Variants in TP63 observed in about 807,000 individuals in gnomAD.
TP63 encodes tumor protein 63.
A neutral mutation model predicts 82.8 loss-of-function variants in TP63; 17 were observed. That is an observed-to-expected ratio of 0.21 (90% CI 0.14 to 0.31). TP63 has a LOEUF of 0.31. TP63 is among the 10% of genes least tolerant of loss of function. The probability of loss-of-function intolerance (pLI) is 1.00; values close to 1 mark genes in which losing one functional copy is unlikely to be tolerated. For missense variants in TP63, 648 were observed against 895.3 expected, an observed-to-expected ratio of 0.72 and a Z score of 3.52; for synonymous variants, 330 against 321.7, an observed-to-expected ratio of 1.03 and a Z score of -0.28.
At chr3:189,634,410 G>A (rs1378708170) in intron 1 of TP63, among the ~76,000 whole-genome samples, 1 of 151,948 alleles carries the variant, frequency 6.6e-6, no homozygotes, top group South Asian at 2.1e-4. Context: ...CCAAAAAAGT[G>A]TTTAAATACA....
At chr3:189,773,229 T>C (rs1482583793) in intron 3 of TP63, among the ~76,000 whole-genome samples, 1 of 152,258 alleles carries the variant, frequency 6.6e-6, no homozygotes, top group African/African-American at 2.4e-5. Flanking sequence ...GCATTTACTG[T>C]ATTTTTAATC....
At chr3:189,603,049 A>G in the TP63 span, among the ~76,000 whole-genome samples, 1 of 152,196 alleles carries the variant, frequency 6.6e-6, no homozygotes, top group Non-Finnish European at 1.5e-5. Flanking sequence ...TAAACTCTGA[A>G]TGAGAGAACG....
chr3:189,833,279 G>C (rs1013257709), intron 4 of TP63, among the ~76,000 whole-genome samples: 3 of 152,246 alleles, frequency 2.0e-5, no homozygotes, highest in Non-Finnish European at 4.4e-5. Context: ...GGGTGACTGA[G>C]TAGGAGCAAA....
intron 1 of TP63, among the ~76,000 whole-genome samples, chr3:189,714,326 G>C (rs371231987): frequency 4.4e-4 from 67 of 152,292 alleles, no homozygotes; most frequent in African/African-American, 1.5e-3. Flanking sequence ...AGAGACGTAT[G>C]CAAAGAGATG....
chr3:189,604,257 A>G, the TP63 span, among the ~76,000 whole-genome samples: 1 of 152,320 alleles, frequency 6.6e-6, no homozygotes, highest in East Asian at 1.9e-4. Context: ...AATTAAACCT[A>G]GATTGCAGGG....
upstream of TP63, among the ~76,000 whole-genome samples, chr3:189,627,509 C>G (rs1327847328): frequency 2.0e-5 from 3 of 152,088 alleles, no homozygotes; most frequent in Non-Finnish European, 4.4e-5. Flanking sequence ...AGCCAGTAGC[C>G]TCACATGGCT....
At chr3:189,887,007 G>A (rs1390475462) in intron 11 of TP63, among the ~76,000 whole-genome samples, 22 of 151,970 alleles carry the variant, frequency 1.4e-4, no homozygotes, top group Admixed American at 1.2e-3. Context: ...TCAGGAGTTC[G>A]AGACCAACCT....
intron 4 of TP63, among the ~76,000 whole-genome samples, chr3:189,852,067 A>G (rs73199764): frequency 0.15 from 22,095 of 152,242 alleles, 2,025 homozygotes; most frequent in South Asian, 0.23. Flanking sequence ...AAATGGGAGT[A>G]CTCAGTTAAG....
intron 4 of TP63, among the ~76,000 whole-genome samples, chr3:189,832,359 C>G (rs868100325): frequency 2.6e-5 from 4 of 152,128 alleles, no homozygotes; most frequent in African/African-American, 9.7e-5. Flanking sequence ...GGAGGTCACT[C>G]AGGGCCAACT....
At chr3:189,722,692 G>A (rs750900747) in intron 1 of TP63, among the ~76,000 whole-genome samples, 5 of 152,206 alleles carry the variant, frequency 3.3e-5, no homozygotes, top group Non-Finnish European at 7.3e-5. Context: ...GTAAACGTGG[G>A]TGTGTATAAA....
chr3:189,789,611 T>G (rs1724914768), intron 3 of TP63: 1 of 1,308,262 alleles, frequency 7.6e-7, no homozygotes, highest in Admixed American at 4.0e-5. Flanking sequence ...GAGTCCCGCC[T>G]CCTCATGCCT....
chr3:189,630,297 T>G (rs955369199), upstream of TP63, among the ~76,000 whole-genome samples: 1 of 151,898 alleles, frequency 6.6e-6, no homozygotes, highest in African/African-American at 2.4e-5. Flanking sequence ...CACAGAGTGG[T>G]TTTTTTTCCC....
chr3:189,843,769 C>T (rs1714481667), intron 4 of TP63, among the ~76,000 whole-genome samples: 1 of 152,124 alleles, frequency 6.6e-6, no homozygotes, highest in Non-Finnish European at 1.5e-5. Flanking sequence ...GTTGGAGCCC[C>T]AGAGGAGAAA....
intron 1 of TP63, among the ~76,000 whole-genome samples, chr3:189,706,157 CAA>C (rs1718181083): frequency 6.6e-6 from 1 of 152,130 alleles, no homozygotes; most frequent in Non-Finnish European, 1.5e-5. Context: ...CCTACAAATA[CAA>C]ACAGTTGTTA....
intron 4 of TP63, among the ~76,000 whole-genome samples, chr3:189,814,456 C>T (rs1236507389): frequency 2.0e-5 from 3 of 152,220 alleles, no homozygotes; most frequent in Admixed American, 6.5e-5. Context: ...TACATGTGTT[C>T]GTGTTTATCA....
At chr3:189,845,132 C>T (rs1455128174) in intron 4 of TP63, among the ~76,000 whole-genome samples, 5 of 152,190 alleles carry the variant, frequency 3.3e-5, no homozygotes, top group Non-Finnish European at 7.3e-5. Flanking sequence ...ACTTGATTAA[C>T]GGAATTGTTC....
At chr3:189,705,893 C>T (rs1718161039) in intron 1 of TP63, among the ~76,000 whole-genome samples, 1 of 152,110 alleles carries the variant, frequency 6.6e-6, no homozygotes, top group East Asian at 1.9e-4. Flanking sequence ...TTCACAATGC[C>T]AGCAGCCATT....
intron 4 of TP63, chr3:189,829,801 C>T (rs1712020878): frequency 4.2e-6 from 1 of 235,652 alleles, no homozygotes; most frequent in African/African-American, 2.4e-5. Context: ...TCAAAGATTT[C>T]TATACTGCTG....
At position 189,681,183 on chromosome 3, in the gene TP63, T is replaced by C. The variant is rs967881293; in HGVS notation, c.62+49606T>C. 2.0e-5 allele frequency among the ~76,000 whole-genome samples: 3 copies of C among 149,754 alleles called. No homozygotes were observed. The South Asian group carries it at 6.4e-4, about 32-fold the overall frequency. Reference sequence around the variant, plus strand: ...CTCAGCTCCTGGTAATATATTTTCATAAGTGAATAGTCACTTATGTATCTT... The same window carrying C: ...CTCAGCTCCTGGTAATATATTTTCACAAGTGAATAGTCACTTATGTATCTT... On this transcript the variant is annotated intron_variant, in intron 1 of 13. Transcript: ENST00000264731.
Sources: allele counts gnomAD v4.1 joint callset (sites outside exome capture counted in the v4.1 genomes callset), GRCh38; gene constraint gnomAD v4.1.1; transcripts MANE v1.5; gene names NCBI Gene and HGNC (gene_info 2026-07-23, HGNC 2026-07-21).